Variants in SORCS1 observed in about 807,000 individuals in gnomAD.
SORCS1 encodes the protein VPS10 domain-containing receptor SorCS1.
In SORCS1, 60 loss-of-function variants were observed where a neutral mutation model predicts 146.1. The observed-to-expected ratio is 0.41, with a 90% confidence interval of 0.33 to 0.51. The LOEUF (loss-of-function observed/expected upper bound fraction) is 0.51, where lower values mean the gene tolerates loss of function less well. Ranked by LOEUF, SORCS1 falls within the 20% of genes least tolerant of loss-of-function variation. The probability of loss-of-function intolerance (pLI) is 0.21; values close to 1 mark genes in which losing one functional copy is unlikely to be tolerated. For synonymous variants in SORCS1, 637 were observed against 584.0 expected (o/e 1.09, Z -1.31); for missense variants, 1,352 against 1,487.6 (o/e 0.91, Z 1.50).
At chr10:106,725,880 G>A (rs911823257) in intron 6 of SORCS1, among the ~76,000 whole-genome samples, 73 of 150,250 alleles carry the variant, frequency 4.9e-4, no homozygotes, top group Non-Finnish European at 1.8e-4. Flanking sequence ...GCAGTGAGCC[G>A]AGATGGTGCC....
chr10:106,741,246 T>G (rs1305223203), intron 5 of SORCS1, among the ~76,000 whole-genome samples: 1 of 151,726 alleles, frequency 6.6e-6, no homozygotes, highest in Non-Finnish European at 1.5e-5. Flanking sequence ...AAATTACCCC[T>G]TAGTGTCTGA....
chr10:106,995,562 T>C (rs564371021), intron 1 of SORCS1, among the ~76,000 whole-genome samples: 1 of 152,278 alleles, frequency 6.6e-6, no homozygotes, highest in Admixed American at 6.5e-5. Flanking sequence ...CTGTGGAATT[T>C]TGCCTTCACT....
chr10:106,800,134 A>G (rs980127672), intron 3 of SORCS1, among the ~76,000 whole-genome samples: 19 of 152,224 alleles, frequency 1.2e-4, no homozygotes, highest in Non-Finnish European at 2.4e-4. Context: ...CTACAGCTGG[A>G]TATGTTGTCT....
intron 3 of SORCS1, among the ~76,000 whole-genome samples, chr10:106,825,358 G>A (rs745515233): frequency 2.8e-5 from 4 of 145,202 alleles, no homozygotes; most frequent in Non-Finnish European, 3.0e-5. Flanking sequence ...TGTAACGTCC[G>A]TCTCCCAGGT....
At position 107,023,013 on chromosome 10, in the gene SORCS1, A is replaced by G. The variant is rs149008098; in HGVS notation, c.559-66433T>C. ...CTGGATCTGAATCTGGATGTGACAC[A>G]TGTTCAGAGACGATAAGTGGTCAGT... On this transcript the variant is annotated intron_variant, in intron 1 of 25. Coordinates refer to ENST00000263054, the MANE Select transcript of SORCS1 (RefSeq NM_052918.5). Among the ~76,000 whole-genome samples, 204 of 152,328 alleles carry G rather than the reference A, an allele frequency of 1.3e-3. 1 individual carries two copies. Among genetic ancestry groups the G allele is most frequent in the African/African-American group, 3.7e-3 (155 of 41,574 alleles).
intron 6 of SORCS1, among the ~76,000 whole-genome samples, chr10:106,726,777 T>C (rs1856220733): frequency 6.6e-6 from 1 of 152,138 alleles, no homozygotes. Context: ...GGATATCATC[T>C]AGGAGCTTGT....
intron 1 of SORCS1, among the ~76,000 whole-genome samples, chr10:107,158,724 C>G (rs1175007390): frequency 6.6e-6 from 1 of 152,130 alleles, no homozygotes; most frequent in Admixed American, 6.6e-5. Flanking sequence ...ATATTAGGAG[C>G]TCAATAAATA....
chr10:106,925,599 A>C (rs1952975306), intron 2 of SORCS1, among the ~76,000 whole-genome samples: 1 of 152,182 alleles, frequency 6.6e-6, no homozygotes, highest in Admixed American at 6.5e-5. Flanking sequence ...CCCTCCACTT[A>C]ACAAAGGCTT....
intron 1 of SORCS1, among the ~76,000 whole-genome samples, chr10:106,964,124 A>G (rs1430496091): frequency 6.6e-6 from 1 of 152,190 alleles, no homozygotes; most frequent in Admixed American, 6.5e-5. Context: ...AGCATTAAGA[A>G]AAGGTCAAGT....
chr10:106,580,849 C>T (rs936892867), intron 24 of SORCS1, among the ~76,000 whole-genome samples: 4 of 152,098 alleles, frequency 2.6e-5, no homozygotes, highest in Non-Finnish European at 4.4e-5. Context: ...GAAAGCCACC[C>T]CTTCCTTCTC....
intron 12 of SORCS1, among the ~76,000 whole-genome samples, chr10:106,677,836 A>G (rs1169910749): frequency 2.0e-5 from 3 of 152,188 alleles, no homozygotes; most frequent in Admixed American, 2.0e-4. Context: ...CTTGCCTGAG[A>G]TCATGCATAC....
At chr10:106,983,462 G>C (rs975710441) in intron 1 of SORCS1, among the ~76,000 whole-genome samples, 5 of 151,914 alleles carry the variant, frequency 3.3e-5, no homozygotes, top group Non-Finnish European at 5.9e-5. Flanking sequence ...TCTAAAATCA[G>C]AGGAAATCAT....
chr10:106,854,111 C>T (rs1425968112), intron 2 of SORCS1, among the ~76,000 whole-genome samples: 3 of 151,636 alleles, frequency 2.0e-5, no homozygotes, highest in African/African-American at 7.3e-5. Flanking sequence ...CAGTTTTTGC[C>T]TCATGTATTT....
chr10:107,127,844 T>C (rs1247904153), intron 1 of SORCS1, among the ~76,000 whole-genome samples: 1 of 152,200 alleles, frequency 6.6e-6, no homozygotes, highest in Non-Finnish European at 1.5e-5. Context: ...TAAAGGCTGG[T>C]TTTTGAGTCA....
chr10:106,606,894 C>T (rs1010244232), intron 23 of SORCS1, among the ~76,000 whole-genome samples: 1 of 152,204 alleles, frequency 6.6e-6, no homozygotes, highest in Non-Finnish European at 1.5e-5. Context: ...GTTTGCTTCC[C>T]CTTCCGCCAT....
intron 1 of SORCS1, among the ~76,000 whole-genome samples, chr10:107,068,869 CAAAAAA>C (rs397763642): frequency 1.8e-3 from 225 of 122,704 alleles, no homozygotes; most frequent in African/African-American, 6.1e-3. Flanking sequence ...GACTCCGTCT[CAAAAAA>C]AAAAAAAAAA....
At chr10:106,923,852 G>A (rs1388275946) in intron 2 of SORCS1, among the ~76,000 whole-genome samples, 1 of 152,186 alleles carries the variant, frequency 6.6e-6, no homozygotes, top group African/African-American at 2.4e-5. Context: ...TTATTATTGA[G>A]TTGTAATAGT....
chr10:107,106,325 T>G (rs1043705222), intron 1 of SORCS1, among the ~76,000 whole-genome samples: 5 of 152,242 alleles, frequency 3.3e-5, no homozygotes, highest in African/African-American at 1.2e-4. Flanking sequence ...TATCTCATTC[T>G]GGTATTTCCC....
intron 1 of SORCS1, among the ~76,000 whole-genome samples, chr10:107,065,465 T>TA (rs1396367918): frequency 5.8e-5 from 6 of 103,114 alleles, no homozygotes; most frequent in Non-Finnish European, 1.2e-4. Context: ...TCTTTCTCTC[T>TA]CCCTCTCCTC....
Sources: gnomAD v4.1 joint callset for allele counts (sites outside exome capture counted in the v4.1 genomes callset) on GRCh38, gnomAD v4.1.1 for gene constraint, MANE v1.5 for transcripts, NCBI Gene and HGNC (gene_info 2026-07-23, HGNC 2026-07-21) for gene names.